Variants in RANBP3L observed in about 807,000 individuals in gnomAD.
RANBP3L encodes the protein ran-binding protein 3-like.
In RANBP3L, 56 loss-of-function variants were observed where a neutral mutation model predicts 67.2. The ratio of observed to expected loss-of-function variants is 0.83; its 90% CI spans 0.67 to 1.04. The LOEUF (loss-of-function observed/expected upper bound fraction) is 1.04, where lower values mean the gene tolerates loss of function less well. RANBP3L is among the 50% of genes least tolerant of loss of function. The pLI, the probability that RANBP3L is intolerant of heterozygous loss-of-function variation, is 0.00. For missense variants in RANBP3L, 496 were observed against 535.5 expected (o/e 0.93, Z 0.73); for synonymous variants, 164 against 181.4 (o/e 0.90, Z 0.77).
intron 1 of RANBP3L, among the ~76,000 whole-genome samples, chr5:36,292,881 C>T (rs1452627673): frequency 2.0e-5 from 3 of 151,700 alleles, no homozygotes; most frequent in Admixed American, 6.6e-5. Flanking sequence ...CTTGGCGATG[C>T]GGGCTCTTTT....
intron 4 of RANBP3L, among the ~76,000 whole-genome samples, chr5:36,265,977 CA>C (rs10717173): frequency 0.33 from 25,098 of 76,294 alleles, 1,747 homozygotes; most frequent in East Asian, 0.45. Flanking sequence ...GACTCCATTT[CA>C]AAAAAAAAAA....
At chr5:36,300,607 G>A (rs1752545184) in intron 1 of RANBP3L, among the ~76,000 whole-genome samples, 1 of 152,186 alleles carries the variant, frequency 6.6e-6, no homozygotes, top group African/African-American at 2.4e-5. Context: ...GTGGAGTGAT[G>A]ATGTCATCCA....
intron 12 of RANBP3L, among the ~76,000 whole-genome samples, chr5:36,251,730 A>G (rs1748608919): frequency 1.3e-5 from 2 of 152,190 alleles, no homozygotes; most frequent in Admixed American, 1.3e-4. Flanking sequence ...TTAAATTTAG[A>G]AAGTGAAATT....
At chr5:36,251,254 G>A (rs1748569018) in intron 13 of RANBP3L, 59 bp downstream of exon 13, 3 of 1,402,914 alleles carry the variant, frequency 2.1e-6, no homozygotes, top group Non-Finnish European at 2.9e-6. Flanking sequence ...TAATATATTA[G>A]GATCGTGCTT....
At position 36,257,119 on chromosome 5, in the gene RANBP3L, C is replaced by CT. The variant is rs770054667; in HGVS notation, c.773-49dup. On this transcript the variant is annotated intron_variant, in intron 9 of 13. Coordinates refer to ENST00000296604, the MANE Select transcript of RANBP3L (RefSeq NM_145000.5). ...CACTTAAAAGTCCCCATTTTCTCTA[C>CT]TGTGAAAGTTCTTTGTTGCCCCTAT... 9.1e-6 allele frequency: 14 copies of CT among 1,540,242 alleles called. No individual in the cohort carries two copies. In the Admixed American group the frequency reaches 2.5e-4, roughly 28 times the overall value.
chr5:36,249,445 T>G lies in RANBP3L; in HGVS notation c.*209A>C. On this transcript the variant is annotated 3_prime_UTR_variant, in exon 14 of 14. Transcript: ENST00000296604. Reference sequence around the variant, plus strand: ...ATAAATTTTGAACTTCTGAAGTCCATTTTTTTAAATTCTGTCAGTTTCTGC... The same window carrying G: ...ATAAATTTTGAACTTCTGAAGTCCAGTTTTTTAAATTCTGTCAGTTTCTGC... 3.0e-6 allele frequency: 1 copy of G among 330,726 alleles called. No homozygotes were observed. Among genetic ancestry groups the G allele is most frequent in the Non-Finnish European group, 5.5e-6 (1 of 181,138 alleles). 20.5% of individuals were successfully genotyped at this position (330,726 alleles called of 1,614,324 possible).
At chr5:36,267,344 T>TA (rs1217686292) in intron 4 of RANBP3L, among the ~76,000 whole-genome samples, 1 of 151,930 alleles carries the variant, frequency 6.6e-6, no homozygotes. Flanking sequence ...CCATCTCTAC[T>TA]AAAAATACAA....
At chr5:36,282,775 T>C (rs1037491522) in intron 1 of RANBP3L, among the ~76,000 whole-genome samples, 1 of 152,036 alleles carries the variant, frequency 6.6e-6, no homozygotes, top group Non-Finnish European at 1.5e-5. Context: ...TGGTCCCCAT[T>C]CTCCTCTAGG....
In RANBP3L at chr5:36,247,161, A is replaced by G. The variant is rs1025385025; in HGVS notation, c.*2493T>C. On this transcript the variant is annotated 3_prime_UTR_variant, in exon 14 of 14. Coordinates refer to ENST00000296604, the MANE Select transcript of RANBP3L (RefSeq NM_145000.5). ...TCCTTATAAAAGGAGAACAAAGGAC[A>G]TAGGAAAGCTGAAAAGAAGGCTAGA... Among the ~76,000 whole-genome samples, 1 of 152,236 alleles carries G rather than the reference A, an allele frequency of 6.6e-6. No individual in the cohort carries two copies. The highest frequency in any genetic ancestry group is 1.5e-5 in the Non-Finnish European group (1 of 68,042).
intron 1 of RANBP3L, among the ~76,000 whole-genome samples, chr5:36,277,418 CTCTCTA>C (rs1431074553): frequency 1.1e-4 from 8 of 75,400 alleles, no homozygotes; most frequent in African/African-American, 4.6e-4. Context: ...CTCTCTCTCT[CTCTCTA>C]TATATATATA....
intron 1 of RANBP3L, among the ~76,000 whole-genome samples, chr5:36,292,232 C>G (rs2112117685): frequency 1.3e-5 from 2 of 152,168 alleles, no homozygotes; most frequent in South Asian, 2.1e-4. Context: ...CCTTCACCCA[C>G]TTTTTGATGG....
chr5:36,286,035 T>C (rs191948732), intron 1 of RANBP3L, among the ~76,000 whole-genome samples: 1 of 152,308 alleles, frequency 6.6e-6, no homozygotes, highest in Admixed American at 6.5e-5. Flanking sequence ...CTACACAGAA[T>C]ACTGCCTGGG....
At chr5:36,253,419 T>C (rs755517741) in intron 12 of RANBP3L, among the ~76,000 whole-genome samples, 1 of 152,110 alleles carries the variant, frequency 6.6e-6, no homozygotes, top group Non-Finnish European at 1.5e-5. Context: ...TTTGATGGCA[T>C]GTATCACACA....
In RANBP3L at chr5:36,271,249, T is replaced by C. The variant is rs756580450; in HGVS notation, c.150+4A>G. On this transcript the variant is annotated splice_donor_region_variant and intron_variant, in intron 2 of 13. Transcript: ENST00000296604. ...AAATTGAACAAAGAAGTAGTCAATC[T>C]TACCTTAAAAGTTTGTTCTCCCTTT... The C allele has an allele frequency of 6.7e-7, 1 of 1,481,918 alleles. No individual in the cohort carries two copies. Among genetic ancestry groups the C allele is most frequent in the Non-Finnish European group, 9.4e-7 (1 of 1,061,476 alleles). 91.8% of individuals were successfully genotyped at this position (1,481,918 alleles called of 1,614,324 possible).
intron 3 of RANBP3L, among the ~76,000 whole-genome samples, chr5:36,269,678 A>C (rs1473673961): frequency 6.6e-6 from 1 of 152,204 alleles, no homozygotes; most frequent in Non-Finnish European, 1.5e-5. Context: ...GAGTGGTGTC[A>C]GCAATAATTT....
At chr5:36,268,392 T>A in intron 4 of RANBP3L, 2 of 543,714 alleles carry the variant, frequency 3.7e-6, no homozygotes, top group Non-Finnish European at 6.4e-6. Flanking sequence ...TTATTTCTAT[T>A]AATAAAAATG....
At chr5:36,294,519 G>A (rs559655544) in intron 1 of RANBP3L, among the ~76,000 whole-genome samples, 24 of 151,874 alleles carry the variant, frequency 1.6e-4, no homozygotes, top group African/African-American at 5.8e-4. Flanking sequence ...GATCTTTCCT[G>A]CTTTCTCTTG....
intron 1 of RANBP3L, among the ~76,000 whole-genome samples, chr5:36,290,752 G>A (rs1298089313): frequency 2.2e-5 from 2 of 90,862 alleles, no homozygotes; most frequent in Non-Finnish European, 4.2e-5. Flanking sequence ...TTTTTTTTGA[G>A]ATGGAGTCTC....
intron 1 of RANBP3L, among the ~76,000 whole-genome samples, chr5:36,277,253 C>A (rs1423244103): frequency 6.6e-6 from 1 of 152,082 alleles, no homozygotes; most frequent in South Asian, 2.1e-4. Flanking sequence ...CCCCAATCTC[C>A]AGGACTTTCC....
Sources: gnomAD v4.1 joint callset for allele counts (sites outside exome capture counted in the v4.1 genomes callset) on GRCh38, gnomAD v4.1.1 for gene constraint, MANE v1.5 for transcripts, NCBI Gene and HGNC (gene_info 2026-07-23, HGNC 2026-07-21) for gene names.